Variants in CUL3 observed in about 807,000 individuals in gnomAD.
CUL3 encodes cullin 3, also known as cullin-3.
A neutral mutation model predicts 89.1 loss-of-function variants in CUL3; 19 were observed. That is an observed-to-expected ratio of 0.21 (90% CI 0.15 to 0.31). CUL3 has a LOEUF of 0.31. CUL3 is among the 10% of genes least tolerant of loss of function. CUL3 has a pLI of 1.00. For synonymous variants in CUL3, 351 were observed against 308.4 expected, an observed-to-expected ratio of 1.14 and a Z score of -1.45; for missense variants, 469 against 942.3, an observed-to-expected ratio of 0.50 and a Z score of 6.58.
Position 224,559,988 on chromosome 2 carries a change from C to T in CUL3, c.67-2132G>A, listed in dbSNP as rs561893792. 3.9e-5 allele frequency among the ~76,000 whole-genome samples: 6 copies of T among 152,124 alleles called. No homozygotes were observed. In the East Asian group the frequency reaches 9.7e-4, roughly 25 times the overall value. Reference sequence around the variant, plus strand: ...TCCCAGCTCCTTAGTGGGGCTGAGGCGGGAGGATCGCTTGAGCCCGGGAGG... The same window carrying T: ...TCCCAGCTCCTTAGTGGGGCTGAGGTGGGAGGATCGCTTGAGCCCGGGAGG... On this transcript the variant is annotated intron_variant, in intron 1 of 15. Coordinates refer to ENST00000264414, the MANE Select transcript of CUL3 (RefSeq NM_003590.5).
At chr2:224,522,884 G>GA (rs1235589331) in intron 3 of CUL3, among the ~76,000 whole-genome samples, 2 of 151,846 alleles carry the variant, frequency 1.3e-5, no homozygotes, top group African/African-American at 4.8e-5. Context: ...ACACAGTTGT[G>GA]AAAATTTTTT....
intron 2 of CUL3, among the ~76,000 whole-genome samples, chr2:224,545,693 C>T (rs1352037340): frequency 6.6e-6 from 1 of 152,148 alleles, no homozygotes; most frequent in Non-Finnish European, 1.5e-5. Flanking sequence ...AAGACACTTT[C>T]AGCCACTTTA....
intron 7 of CUL3, 57 bp from the exon 8 acceptor site, chr2:224,506,189 C>A: frequency 8.9e-7 from 1 of 1,121,354 alleles, no homozygotes; most frequent in East Asian, 2.7e-5. Flanking sequence ...ATAAATAATA[C>A]ACTTATGACC....
chr2:224,498,792 T>C (rs993191281), intron 11 of CUL3, among the ~76,000 whole-genome samples: 3 of 152,224 alleles, frequency 2.0e-5, no homozygotes, highest in African/African-American at 4.8e-5. Context: ...GATTAAAACC[T>C]AGCTGCTTTC....
intron 13 of CUL3, among the ~76,000 whole-genome samples, chr2:224,483,909 G>A (rs1413601836): frequency 1.3e-5 from 2 of 152,104 alleles, no homozygotes; most frequent in Non-Finnish European, 2.9e-5. Context: ...TTATATTTGC[G>A]CCAAGCACGG....
In CUL3 at chr2:224,471,125, G is replaced by T; in HGVS notation, c.*3120C>A. On this transcript the variant is annotated 3_prime_UTR_variant, in exon 16 of 16. Transcript: ENST00000264414. The stretch of plus-strand genomic sequence containing the variant: ...AGGACTAGAAATGACTTCTAATTTT[G>T]CTGACCTGAAATGTTTTAACATTCG... 1 of 218,324 alleles carries T rather than the reference G, an allele frequency of 4.6e-6. No individual in the cohort carries two copies. The highest frequency in any genetic ancestry group is 9.2e-6 in the Non-Finnish European group (1 of 108,672). 13.5% of individuals were successfully genotyped at this position (218,324 alleles called of 1,614,324 possible).
chr2:224,529,030 T>C (rs1693588200), intron 3 of CUL3, among the ~76,000 whole-genome samples: 1 of 152,178 alleles, frequency 6.6e-6, no homozygotes. Flanking sequence ...ATCATTTTGT[T>C]CCCTTTGACA....
chr2:224,489,154 C>T (rs540574147), intron 13 of CUL3, among the ~76,000 whole-genome samples: 117 of 152,306 alleles, frequency 7.7e-4, no homozygotes, highest in African/African-American at 2.7e-3. Flanking sequence ...CAATATCATA[C>T]TGAATGAACA....
In CUL3 at chr2:224,505,837, C is replaced by A. The variant is rs1027340; in HGVS notation, c.1206+119G>T. 0.48 allele frequency: 261,722 copies of A among 543,080 alleles called. 63,933 individuals carry two copies. Among genetic ancestry groups the A allele is most frequent in the East Asian group, 0.62 (18,225 of 29,558 alleles). The allele number at this position is 543,080 out of a possible 1,614,324, so 33.6% of individuals were successfully genotyped here. ...AATATTTTTTAATAGACCATGGCAC[C>A]CATTTAAGCACAGCAATGGGTCATG... On this transcript the variant is annotated intron_variant, in intron 8 of 15. Coordinates refer to ENST00000264414, the MANE Select transcript of CUL3 (RefSeq NM_003590.5).
At chr2:224,474,508 A>G (rs1691246128) in intron 15 of CUL3, 132 bp from the exon 16 acceptor site, 1 of 712,484 alleles carries the variant, frequency 1.4e-6, no homozygotes, top group Non-Finnish European at 2.2e-6. Context: ...AAAGCACAGA[A>G]ACTTTAAAAA....
In CUL3 at chr2:224,500,186, A is replaced by C. The variant is rs1692324268; in HGVS notation, c.1610+177T>G. 4 of 568,210 alleles carry C rather than the reference A, an allele frequency of 7.0e-6. 1 individual carries two copies. In the South Asian group the frequency reaches 1.1e-4, roughly 15 times the overall value. 35.2% of individuals were successfully genotyped at this position (568,210 alleles called of 1,614,324 possible). A position where few individuals can be genotyped will look rare whatever the true frequency, so the allele number is the denominator to read the frequency against. ...AGATAAATTATGCCTGCTTTACTTTACTCATCAAGATCCTATAGAGGGGGA... is the reference window on the plus strand; with the variant it reads ...AGATAAATTATGCCTGCTTTACTTTCCTCATCAAGATCCTATAGAGGGGGA... On this transcript the variant is annotated intron_variant, in intron 11 of 15. Coordinates refer to ENST00000264414, the MANE Select transcript of CUL3 (RefSeq NM_003590.5).
At chr2:224,534,721 G>A (rs184701375) in intron 3 of CUL3, among the ~76,000 whole-genome samples, 13 of 152,182 alleles carry the variant, frequency 8.5e-5, no homozygotes, top group African/African-American at 2.7e-4. Flanking sequence ...AGTGGCTCAC[G>A]CCTGTAATCC....
chr2:224,531,172 C>T (rs898304431), intron 3 of CUL3, among the ~76,000 whole-genome samples: 2 of 149,922 alleles, frequency 1.3e-5, no homozygotes, highest in Non-Finnish European at 2.9e-5. Context: ...CCTGCAACCT[C>T]TGCCTCCCAA....
rs80094091 is a variant in CUL3, at chr2:224,471,766, C to G, written c.*2479G>C. 3 of 226,398 alleles carry G rather than the reference C, an allele frequency of 1.3e-5. No individual in the cohort carries two copies. The highest frequency in any genetic ancestry group is 2.6e-5 in the Non-Finnish European group (3 of 113,856). 14.0% of individuals were successfully genotyped at this position (226,398 alleles called of 1,614,324 possible). A position where few individuals can be genotyped will look rare whatever the true frequency, so the allele number is the denominator to read the frequency against. Reference sequence around the variant, plus strand: ...TAATGTTAACGATTCAAAATAAACACTGTCCTGGACTTGATAATGAAGGCA... The same window carrying G: ...TAATGTTAACGATTCAAAATAAACAGTGTCCTGGACTTGATAATGAAGGCA... On this transcript the variant is annotated 3_prime_UTR_variant, in exon 16 of 16. Coordinates refer to ENST00000264414, the MANE Select transcript of CUL3 (RefSeq NM_003590.5).
chr2:224,482,518 A>T (rs987295036), intron 13 of CUL3, among the ~76,000 whole-genome samples: 2 of 152,122 alleles, frequency 1.3e-5, no homozygotes, highest in Non-Finnish European at 2.9e-5. Context: ...GCCTGAGCTC[A>T]GGCCTTCTAC....
chr2:224,491,425 A>G (rs1050472716), intron 13 of CUL3, among the ~76,000 whole-genome samples: 2 of 152,108 alleles, frequency 1.3e-5, no homozygotes, highest in Non-Finnish European at 2.9e-5. Context: ...CTGAAAAGGT[A>G]TTTTCTTTCC....
chr2:224,535,791 T>C, intron 2 of CUL3, 150 bp from the exon 3 acceptor site: 1 of 634,434 alleles, frequency 1.6e-6, no homozygotes, highest in Non-Finnish European at 2.8e-6. Flanking sequence ...TTTTAAGCTA[T>C]AACCTATACA....
rs1691697359 is a variant in CUL3 at position 224,485,801 on chromosome 2, T to C, written c.1843-3723A>G. Among the ~76,000 whole-genome samples, 1 of 152,206 alleles carries C rather than the reference T, an allele frequency of 6.6e-6. No individual in the cohort carries two copies. The highest frequency in any genetic ancestry group is 2.4e-5 in the African/African-American group (1 of 41,474). Reference sequence around the variant, plus strand: ...TCCTCAAGTGGGTCCGTGTCCCCCATGCCTCCCTGACAGGAGACACCTCCC... The same window carrying C: ...TCCTCAAGTGGGTCCGTGTCCCCCACGCCTCCCTGACAGGAGACACCTCCC... On this transcript the variant is annotated intron_variant, in intron 13 of 15. Coordinates refer to ENST00000264414, the MANE Select transcript of CUL3 (RefSeq NM_003590.5). The surrounding 1 kb of genome is among the most constrained non-coding windows in gnomAD (Gnocchi z 4.1).
intron 13 of CUL3, among the ~76,000 whole-genome samples, chr2:224,487,510 G>C (rs570500991): frequency 2.1e-5 from 3 of 141,672 alleles, no homozygotes; most frequent in East Asian, 4.1e-4. Context: ...GACAAAGAAG[G>C]GCATTACATA....
Sources: allele counts gnomAD v4.1 joint callset (sites outside exome capture counted in the v4.1 genomes callset), GRCh38; gene constraint gnomAD v4.1.1; non-coding constraint Gnocchi (gnomAD v3.1); transcripts MANE v1.5; gene names NCBI Gene and HGNC (gene_info 2026-07-23, HGNC 2026-07-21).